The following DNAJC3 variants were observed in gnomAD, a reference collection of about 807,000 sequenced individuals.
DNAJC3 encodes dnaJ homolog subfamily C member 3.
Under a neutral mutation model 68.6 loss-of-function variants are expected in DNAJC3, and 38 were observed. The observed-to-expected ratio is 0.55, with a 90% CI of 0.43 to 0.73. The LOEUF (loss-of-function observed/expected upper bound fraction) is 0.73. Ranked by LOEUF, DNAJC3 falls within the 30% of genes least tolerant of loss-of-function variation. DNAJC3 has a pLI of 0.00. For synonymous variants in DNAJC3, 203 were observed against 204.0 expected (o/e 1.00, Z 0.04); for missense variants, 526 against 591.9 (o/e 0.89, Z 1.16).
chr13:95,742,370 G>A (rs557994136), intron 4 of DNAJC3, among the ~76,000 whole-genome samples: 8 of 152,318 alleles, frequency 5.3e-5, no homozygotes, highest in African/African-American at 1.9e-4. Context: ...GCACCATGTT[G>A]TAGGTGCATA....
At chr13:95,692,034 G>A (rs189104685) in intron 1 of DNAJC3, among the ~76,000 whole-genome samples, 9 of 147,248 alleles carry the variant, frequency 6.1e-5, no homozygotes, top group African/African-American at 2.4e-4. Context: ...CGGCATCAGA[G>A]GGAGACCATG....
chr13:95,767,015 T>C (rs1883011943), intron 9 of DNAJC3, among the ~76,000 whole-genome samples: 1 of 152,240 alleles, frequency 6.6e-6, no homozygotes, highest in Admixed American at 6.5e-5. Flanking sequence ...TTCCATTTTT[T>C]ATTTTTAATT....
At position 95,760,703 on chromosome 13, in the gene DNAJC3, T is replaced by G. The variant is rs764048414; in HGVS notation, c.753T>G (p.Leu251=). 6.2e-7 allele frequency: 1 copy of G among 1,611,640 alleles called. No individual in the cohort carries two copies. The highest frequency in any genetic ancestry group is 1.7e-5 in the Admixed American group (1 of 59,558). The change falls in exon 7 of 12, where the codon CTT becomes CTG. Residue 251 remains leucine (L), a synonymous_variant. Coordinates refer to ENST00000602402, the MANE Select transcript of DNAJC3 (RefSeq NM_006260.5). ...GTGAAGTTCGGGAATGTCTTAAACTTGACCAGGATCATAAAAGGTGTTTTG... is the reference window on the plus strand; with the variant it reads ...GTGAAGTTCGGGAATGTCTTAAACTGGACCAGGATCATAAAAGGTGTTTTG... ...SLSEVRECLK[L]DQDHKRCFAH... is the part of the protein sequence containing the mutation.
At position 95,791,267 on chromosome 13, in the gene DNAJC3, G is replaced by GCTGT. The variant is rs775172295; in HGVS notation, c.*241_*244dup. 8 of 520,820 alleles carry GCTGT rather than the reference G, an allele frequency of 1.5e-5. No individual in the cohort carries two copies. The highest frequency in any genetic ancestry group is 3.4e-5 in the Admixed American group (1 of 29,418). 32.3% of individuals were successfully genotyped at this position (520,820 alleles called of 1,614,324 possible). A position where few individuals can be genotyped will look rare whatever the true frequency, so the allele number is the denominator to read the frequency against. ...ACAGAGCAGCCTGCATCTGCTTTAT[G>GCTGT]CTGTCTGGAGGGAAGTGGTCTGAGG... On this transcript the variant is annotated 3_prime_UTR_variant, in exon 12 of 12. Coordinates refer to ENST00000602402, the MANE Select transcript of DNAJC3 (RefSeq NM_006260.5).
At chr13:95,762,885 T>C (rs1463472851) in intron 7 of DNAJC3, among the ~76,000 whole-genome samples, 1 of 152,184 alleles carries the variant, frequency 6.6e-6, no homozygotes, top group Non-Finnish European at 1.5e-5. Context: ...TTTCTGTTCC[T>C]GCGTTAGTTT....
intron 2 of DNAJC3, among the ~76,000 whole-genome samples, chr13:95,719,559 C>G (rs1478200197): frequency 1.3e-5 from 2 of 152,200 alleles, no homozygotes; most frequent in Admixed American, 6.5e-5. Context: ...TGGTGCCCAG[C>G]TACCAGCCGT....
intron 4 of DNAJC3, among the ~76,000 whole-genome samples, chr13:95,744,168 A>G (rs1452074063): frequency 1.3e-5 from 2 of 152,124 alleles, no homozygotes; most frequent in Non-Finnish European, 2.9e-5. Flanking sequence ...TAATATACAG[A>G]TACTGTATGT....
intron 4 of DNAJC3, among the ~76,000 whole-genome samples, chr13:95,754,830 C>T (rs941933584): frequency 2.2e-4 from 34 of 152,212 alleles, no homozygotes; most frequent in South Asian, 8.3e-4. Flanking sequence ...TTATTTGAGG[C>T]GCCAGAAGTA....
intron 4 of DNAJC3, among the ~76,000 whole-genome samples, chr13:95,733,727 T>A (rs993572784): frequency 2.2e-5 from 3 of 137,410 alleles, no homozygotes; most frequent in Admixed American, 7.3e-5. Flanking sequence ...TTTTTTTTTT[T>A]AACAGTTCTG....
intron 1 of DNAJC3, among the ~76,000 whole-genome samples, chr13:95,688,929 T>TGGGG (rs1173545537): frequency 1.4e-4 from 2 of 14,004 alleles, no homozygotes; most frequent in African/African-American, 2.1e-4. Context: ...ATTGTGTGGG[T>TGGGG]GTGTGTGTGT....
chr13:95,738,192 T>G (rs1212003613), intron 4 of DNAJC3, among the ~76,000 whole-genome samples: 2 of 149,180 alleles, frequency 1.3e-5, no homozygotes, highest in Middle Eastern at 3.6e-3. Flanking sequence ...GAGAGATAGT[T>G]TGTTATAATT....
At chr13:95,686,221 A>G (rs553331392) in intron 1 of DNAJC3, among the ~76,000 whole-genome samples, 2 of 152,006 alleles carry the variant, frequency 1.3e-5, no homozygotes, top group Non-Finnish European at 1.5e-5. Flanking sequence ...TTGGCCTCCC[A>G]AAGTGCTGGG....
chr13:95,709,546 G>A (rs185962103), intron 2 of DNAJC3, among the ~76,000 whole-genome samples: 1 of 151,790 alleles, frequency 6.6e-6, no homozygotes, highest in Admixed American at 6.6e-5. Flanking sequence ...AAGTTTGAAG[G>A]TTAGTGAGGC....
At chr13:95,763,210 T>C (rs917371562) in intron 7 of DNAJC3, among the ~76,000 whole-genome samples, 34 of 152,348 alleles carry the variant, frequency 2.2e-4, no homozygotes, top group African/African-American at 8.2e-4. Context: ...ACATTAATTA[T>C]ATAAAATGGC....
chr13:95,783,273 T>G (rs1020162771), intron 9 of DNAJC3, among the ~76,000 whole-genome samples: 1 of 152,228 alleles, frequency 6.6e-6, no homozygotes, highest in Non-Finnish European at 1.5e-5. Context: ...CAACCTATAA[T>G]TTTACATTTT....
At chr13:95,683,480 C>G (rs1225285911) in intron 1 of DNAJC3, among the ~76,000 whole-genome samples, 12 of 152,330 alleles carry the variant, frequency 7.9e-5, no homozygotes, top group South Asian at 6.2e-4. Context: ...GTATCTCCCC[C>G]CTCTCTGTCT....
chr13:95,764,645 C>CAAAT (rs1882922616), intron 9 of DNAJC3, among the ~76,000 whole-genome samples: 2 of 56,518 alleles, frequency 3.5e-5, no homozygotes, highest in African/African-American at 1.3e-4. Context: ...AAATAGAATC[C>CAAAT]ATATATATAT....
chr13:95,741,320 C>G (rs1021037379), intron 4 of DNAJC3, among the ~76,000 whole-genome samples: 1 of 152,124 alleles, frequency 6.6e-6, no homozygotes, highest in African/African-American at 2.4e-5. Context: ...TATAATTTGG[C>G]TGGCTGTAAT....
At position 95,781,440 on chromosome 13, in the gene DNAJC3, A is replaced by G. The variant is rs180671437; in HGVS notation, c.1076-4499A>G. Among the ~76,000 whole-genome samples the G allele has an allele frequency of 7.2e-5, 11 of 152,148 alleles. No homozygotes were observed. The South Asian group carries it at 8.3e-4, about 11-fold the overall frequency. ...GTGTGCTTGCATTGTGGTTCTCTCTACTTAGGTTTATTACTAATGTGCTCC... is the reference window on the plus strand; with the variant it reads ...GTGTGCTTGCATTGTGGTTCTCTCTGCTTAGGTTTATTACTAATGTGCTCC... On this transcript the variant is annotated intron_variant, in intron 9 of 11. Coordinates refer to ENST00000602402, the MANE Select transcript of DNAJC3 (RefSeq NM_006260.5).
Sources: allele counts gnomAD v4.1 joint callset (sites outside exome capture counted in the v4.1 genomes callset), GRCh38; gene constraint gnomAD v4.1.1; transcripts MANE v1.5; gene names NCBI Gene and HGNC (gene_info 2026-07-23, HGNC 2026-07-21).